Variants in CABIN1 observed in about 807,000 individuals in gnomAD.
CABIN1 encodes the protein calcineurin-binding protein cabin-1.
A neutral mutation model predicts 227.7 loss-of-function variants in CABIN1; 133 were observed. That is an observed-to-expected ratio of 0.58 (90% confidence interval 0.51 to 0.67). CABIN1 has a LOEUF of 0.67. Among genes scored for constraint, CABIN1 ranks in the 30% least tolerant of loss-of-function variants. CABIN1 has a pLI of 0.00. For missense variants in CABIN1, 2,408 were observed against 2,852.5 expected, an observed-to-expected ratio of 0.84 and a Z score of 3.55; for synonymous variants, 1,086 against 1,155.1, an observed-to-expected ratio of 0.94 and a Z score of 1.21.
intron 3 of CABIN1, 134 bp from the exon 4 acceptor site, chr22:24,038,214 G>A: frequency 2.9e-6 from 2 of 697,102 alleles, no homozygotes; most frequent in Admixed American, 4.0e-5. Context: ...GTTGGGAGGT[G>A]GGGGAGCTGA....
intron 16 of CABIN1, 90 bp from the exon 17 acceptor site, chr22:24,070,710 A>T: frequency 6.3e-7 from 1 of 1,585,840 alleles, no homozygotes. Context: ...GCTGCCCCTC[A>T]TCTGTTTTCC....
intron 1 of CABIN1, among the ~76,000 whole-genome samples, chr22:24,013,068 CT>C (rs34344391): frequency 7.6e-4 from 107 of 141,114 alleles, no homozygotes; most frequent in South Asian, 9.2e-4. Flanking sequence ...GCCTCAATAG[CT>C]TTTTTTTTTT....
At chr22:24,013,000 A>G (rs971416220) in intron 1 of CABIN1, among the ~76,000 whole-genome samples, 2 of 151,150 alleles carry the variant, frequency 1.3e-5, no homozygotes, top group Non-Finnish European at 2.9e-5. Context: ...ACCTCAGGTG[A>G]TCCACCCGCC....
intron 29 of CABIN1, among the ~76,000 whole-genome samples, chr22:24,134,821 T>C (rs2044292019): frequency 6.6e-6 from 1 of 152,232 alleles, no homozygotes; most frequent in South Asian, 2.1e-4. Flanking sequence ...CTCACGCCTG[T>C]AGTCCCAGCA....
intron 29 of CABIN1, among the ~76,000 whole-genome samples, chr22:24,149,746 T>C (rs912451164): frequency 6.6e-5 from 10 of 152,330 alleles, no homozygotes; most frequent in Middle Eastern, 3.4e-3. Flanking sequence ...CATAGGGATA[T>C]TGAGTCATTT....
chr22:24,015,941 G>A (rs1040031942), intron 1 of CABIN1, among the ~76,000 whole-genome samples: 2 of 152,160 alleles, frequency 1.3e-5, no homozygotes, highest in Non-Finnish European at 2.9e-5. Flanking sequence ...CAGGGCGACA[G>A]GGCGAGACCC....
intron 34 of CABIN1, among the ~76,000 whole-genome samples, chr22:24,172,774 A>G (rs1203145978): frequency 6.6e-6 from 1 of 152,144 alleles, no homozygotes; most frequent in African/African-American, 2.4e-5. Context: ...ACAAGGCACC[A>G]TCCCCCTCGC....
chr22:24,053,297 C>T (rs902281211), intron 8 of CABIN1, among the ~76,000 whole-genome samples: 14 of 151,820 alleles, frequency 9.2e-5, no homozygotes, highest in African/African-American at 3.4e-4. Context: ...AGGATGGTCT[C>T]GATCTCCTGA....
At chr22:24,016,142 G>A (rs758612096) in intron 1 of CABIN1, among the ~76,000 whole-genome samples, 7 of 152,196 alleles carry the variant, frequency 4.6e-5, no homozygotes, top group Non-Finnish European at 7.3e-5. Flanking sequence ...GCAATTAGCA[G>A]TTACTTCCCA....
At chr22:24,039,896 A>C (rs2037231507) in intron 4 of CABIN1, among the ~76,000 whole-genome samples, 1 of 152,232 alleles carries the variant, frequency 6.6e-6, no homozygotes, top group South Asian at 2.1e-4. Context: ...GAAGATTGGC[A>C]TAGATAGGCC....
intron 8 of CABIN1, 122 bp from the exon 9 acceptor site, chr22:24,054,751 C>T (rs1478929995): frequency 1.6e-6 from 2 of 1,219,262 alleles, no homozygotes; most frequent in African/African-American, 1.5e-5. Flanking sequence ...TCCCCCACCC[C>T]CATGGACATG....
At chr22:24,119,264 G>T (rs369990640) in intron 27 of CABIN1, 103 bp from the exon 28 acceptor site, 52 of 979,030 alleles carry the variant, frequency 5.3e-5, no homozygotes, top group Non-Finnish European at 5.7e-5. Context: ...TGATCCAGCC[G>T]TGCTGATCAC....
rs1056899367 is a variant in CABIN1, at chr22:24,091,467, G to A, written c.3526-116G>A. ...ATGGTGAGGGCATTTCTGTGTCTTGGTTGTTAAGAGGAGTATAAACTTGCA... is the reference window on the plus strand; with the variant it reads ...ATGGTGAGGGCATTTCTGTGTCTTGATTGTTAAGAGGAGTATAAACTTGCA... On this transcript the variant is annotated intron_variant, in intron 23 of 36. Transcript: ENST00000263119. 6.3e-6 allele frequency: 8 copies of A among 1,271,858 alleles called. No individual in the cohort carries two copies. The Admixed American group carries it at 1.4e-4, about 23-fold the overall frequency. 78.8% of individuals were successfully genotyped at this position (1,271,858 alleles called of 1,614,324 possible). A position where few individuals can be genotyped will look rare whatever the true frequency, so the allele number is the denominator to read the frequency against.
chr22:24,127,965 C>T (rs560311843), intron 28 of CABIN1, among the ~76,000 whole-genome samples: 23 of 152,238 alleles, frequency 1.5e-4, no homozygotes, highest in African/African-American at 5.5e-4. Flanking sequence ...GTGTGCACTG[C>T]AGGACTTTCA....
At chr22:24,176,373 G>A in intron 35 of CABIN1, 98 bp downstream of exon 35, 2 of 1,302,948 alleles carry the variant, frequency 1.5e-6, no homozygotes, top group South Asian at 1.3e-5. Flanking sequence ...GAAGGGCAGG[G>A]CCTGGGGATG....
At chr22:24,022,353 A>C (rs545024849) in intron 1 of CABIN1, among the ~76,000 whole-genome samples, 8 of 152,336 alleles carry the variant, frequency 5.3e-5, no homozygotes, top group African/African-American at 1.9e-4. Context: ...ATGTAAATAG[A>C]AATATAATAG....
At chr22:24,095,863 T>C in intron 24 of CABIN1, 68 bp from the exon 25 acceptor site, 2 of 1,583,688 alleles carry the variant, frequency 1.3e-6, no homozygotes, top group East Asian at 4.5e-5. Flanking sequence ...CCAGTGTGGC[T>C]GACTGGCCTG....
intron 11 of CABIN1, among the ~76,000 whole-genome samples, 174 bp downstream of exon 11, chr22:24,059,537 A>G (rs541533067): frequency 6.6e-6 from 1 of 152,282 alleles, no homozygotes; most frequent in South Asian, 2.1e-4. Flanking sequence ...GGTCTTCTGA[A>G]ATGTCCAGGC....
At chr22:24,107,816 G>C (rs922244528) in intron 26 of CABIN1, among the ~76,000 whole-genome samples, 2 of 152,242 alleles carry the variant, frequency 1.3e-5, no homozygotes, top group African/African-American at 4.8e-5. Flanking sequence ...TCGTGGGGCA[G>C]CTTGCCAGTC....
Sources: gnomAD v4.1 joint callset for allele counts (sites outside exome capture counted in the v4.1 genomes callset) on GRCh38, gnomAD v4.1.1 for gene constraint, MANE v1.5 for transcripts, NCBI Gene and HGNC (gene_info 2026-07-23, HGNC 2026-07-21) for gene names.